Variants in ITGAE observed in about 807,000 individuals in gnomAD.
ITGAE encodes integrin alpha-E.
Under a neutral mutation model 136.5 loss-of-function variants are expected in ITGAE, and 99 were observed. That is an observed-to-expected ratio of 0.73 (90% CI 0.62 to 0.86). ITGAE has a LOEUF of 0.86. ITGAE is among the 40% of genes least tolerant of loss of function. The probability of loss-of-function intolerance (pLI) is 0.00; values close to 1 mark genes in which losing one functional copy is unlikely to be tolerated. For missense variants in ITGAE, 1,447 were observed against 1,515.3 expected, an observed-to-expected ratio of 0.95 and a Z score of 0.75; for synonymous variants, 613 against 591.8, an observed-to-expected ratio of 1.04 and a Z score of -0.52.
chr17:3,740,827 T>C (rs2051567465), intron 19 of ITGAE, among the ~76,000 whole-genome samples: 1 of 152,188 alleles, frequency 6.6e-6, no homozygotes, highest in African/African-American at 2.4e-5. Flanking sequence ...GGGTCTGTTT[T>C]TGTATTATGA....
At position 3,728,143 on chromosome 17, in the gene ITGAE, C is replaced by G. The variant is rs767193775; in HGVS notation, c.2938G>C (p.Gly980Arg). 1.9e-6 allele frequency: 3 copies of G among 1,613,450 alleles called. No homozygotes were observed. The Admixed American group carries it at 5.0e-5, about 27-fold the overall frequency. Residue 980 changes from glycine (G) to arginine (R), a missense_variant, in exon 25 of 31, where the codon GGC (glycine) becomes CGC (arginine). Transcript: ENST00000263087. ...SKPSIMYVNT[G>R]QGLSHHKEFL... ...TCTTTGTGGTGAGAAAGCCCCTGGC[C>G]TGTGTTCACGTACATTATGGATGGT...
chr17:3,789,609 T>G (rs1176540531), intron 1 of ITGAE, among the ~76,000 whole-genome samples: 1 of 152,108 alleles, frequency 6.6e-6, no homozygotes, highest in African/African-American at 2.4e-5. Flanking sequence ...CAAGCGATTC[T>G]CCTGCCTCAA....
In ITGAE at chr17:3,714,898, G is replaced by GCT; in HGVS notation, c.3487_3488dup (p.Ser1163ArgfsTer8). The GCT allele has an allele frequency of 7.4e-6, 12 of 1,611,044 alleles. No homozygotes were observed. The highest frequency in any genetic ancestry group is 1.0e-5 in the Non-Finnish European group (12 of 1,178,740). On this transcript the variant is annotated frameshift_variant, in exon 31 of 31. Transcript: ENST00000263087. LOFTEE classifies it high-confidence loss of function. ...CTGATTTCAGCTGGGCCTTCCTGATGCTCTCCAAGTTCAGTTGTTGATATT... is the reference window on the plus strand; with the variant it reads ...CTGATTTCAGCTGGGCCTTCCTGATGCTCTCTCCAAGTTCAGTTGTTGATATT...
chr17:3,755,176 A>G lies in ITGAE; in HGVS notation c.1325T>C (p.Phe442Ser). The change falls in exon 12 of 31, where the codon TTC becomes TCC. Residue 442 changes from phenylalanine (F) to serine (S), a missense_variant. By Grantham distance (155) the Phe-to-Ser change is radical (BLOSUM62 -2). Transcript: ENST00000263087. ...LYDTRSRRGRFLNQTAAAAAD... is the reference protein window; with the variant it reads ...LYDTRSRRGRSLNQTAAAAAD... ...CGCCGCCGCCGCTGTCTGGTTCAGGAAGCGGCCCCGGCGGCTGCGTGTGTC... is the reference window on the plus strand; with the variant it reads ...CGCCGCCGCCGCTGTCTGGTTCAGGGAGCGGCCCCGGCGGCTGCGTGTGTC... The G allele has an allele frequency of 6.4e-7, 1 of 1,565,826 alleles. No individual in the cohort carries two copies. Among genetic ancestry groups the G allele is most frequent in the Non-Finnish European group, 8.6e-7 (1 of 1,158,946 alleles).
At chr17:3,783,994 C>T (rs1373973144) in intron 1 of ITGAE, among the ~76,000 whole-genome samples, 2 of 152,244 alleles carry the variant, frequency 1.3e-5, no homozygotes, top group African/African-American at 2.4e-5. Context: ...GGCGCGGCGG[C>T]TCACGCCTGT....
rs931231687 is a variant in ITGAE, at chr17:3,753,249, C to T, written c.1668+41G>A. On this transcript the variant is annotated intron_variant, in intron 14 of 30. Transcript: ENST00000263087. ...CATCACCTCTGTGTCAGGCTGAGTG[C>T]CACAGCCTCAGCAAGCTCATGAAGA... The T allele has an allele frequency of 2.5e-6, 4 of 1,594,606 alleles. No individual in the cohort carries two copies. The African/African-American group carries it at 5.4e-5, about 21-fold the overall frequency.
chr17:3,723,783 C>A, intron 26 of ITGAE, 39 bp from the exon 27 acceptor site: 1 of 1,601,068 alleles, frequency 6.2e-7, no homozygotes. Flanking sequence ...CTGAACAAAC[C>A]AAGCCGCCAG....
At chr17:3,745,657 A>T in intron 18 of ITGAE, 107 bp downstream of exon 18, 1 of 1,113,522 alleles carries the variant, frequency 9.0e-7, no homozygotes, top group Non-Finnish European at 1.3e-6. Flanking sequence ...TGATTATTTT[A>T]ATCACCTCAT....
chr17:3,787,644 G>A (rs1471942274), intron 1 of ITGAE, among the ~76,000 whole-genome samples: 1 of 151,318 alleles, frequency 6.6e-6, no homozygotes, highest in African/African-American at 2.4e-5. Flanking sequence ...TCTGGATCCT[G>A]TTAAGCATAT....
At chr17:3,719,257 G>GAAAA (rs1332606820) in intron 29 of ITGAE, among the ~76,000 whole-genome samples, 1 of 123,648 alleles carries the variant, frequency 8.1e-6, no homozygotes, top group African/African-American at 4.0e-5. Flanking sequence ...AAAAAAAAAA[G>GAAAA]AAAAGAAAAG....
At chr17:3,728,710 T>A (rs1274158565) in intron 24 of ITGAE, among the ~76,000 whole-genome samples, 1 of 150,392 alleles carries the variant, frequency 6.6e-6, no homozygotes, top group Non-Finnish European at 1.5e-5. Flanking sequence ...TTCAACTGAA[T>A]ACATTAGGAC....
At chr17:3,758,364 G>C (rs1211411915) in intron 8 of ITGAE, among the ~76,000 whole-genome samples, 1 of 151,646 alleles carries the variant, frequency 6.6e-6, no homozygotes, top group Non-Finnish European at 1.5e-5. Flanking sequence ...TCCTGCCTCA[G>C]CTTCCTGAGT....
chr17:3,761,353 A>G, intron 5 of ITGAE, 50 bp downstream of exon 5: 1 of 1,556,758 alleles, frequency 6.4e-7, no homozygotes, highest in East Asian at 2.3e-5. Flanking sequence ...CTTGGAGACC[A>G]AGGAGATCTC....
intron 17 of ITGAE, among the ~76,000 whole-genome samples, chr17:3,746,604 C>T (rs542170917): frequency 7.2e-5 from 11 of 151,946 alleles, no homozygotes; most frequent in East Asian, 1.9e-4. Context: ...TACAGGCGCC[C>T]GCCACCACAC....
intron 2 of ITGAE, among the ~76,000 whole-genome samples, chr17:3,764,696 CATAA>C (rs757192480): frequency 2.6e-5 from 4 of 152,030 alleles, no homozygotes; most frequent in Non-Finnish European, 4.4e-5. Context: ...GACTTCGTCT[CATAA>C]ATAAATAAAT....
At chr17:3,727,114 GC>G (rs947837162) in intron 26 of ITGAE, among the ~76,000 whole-genome samples, 19 of 145,556 alleles carry the variant, frequency 1.3e-4, no homozygotes, top group Middle Eastern at 3.5e-3. Flanking sequence ...TGTAGTCTGA[GC>G]AAAAAAAAAA....
intron 3 of ITGAE, 128 bp from the exon 4 acceptor site, chr17:3,762,110 G>A: frequency 1.4e-6 from 1 of 727,088 alleles, no homozygotes; most frequent in Non-Finnish European, 2.3e-6. Flanking sequence ...ACTCAGAGAA[G>A]CCTCTAGAAA....
At chr17:3,725,703 C>T (rs780295707) in intron 26 of ITGAE, 20 of 1,574,356 alleles carry the variant, frequency 1.3e-5, no homozygotes, top group South Asian at 2.4e-5. Context: ...TGCAAATGAC[C>T]GGCCTGATTT....
At chr17:3,754,645 G>T (rs943880916) in intron 12 of ITGAE, 16 of 194,350 alleles carry the variant, frequency 8.2e-5, no homozygotes, top group Non-Finnish European at 1.5e-4. Context: ...GGAGGCTGTA[G>T]TACTCAGCCT....
Sources: allele counts gnomAD v4.1 joint callset (sites outside exome capture counted in the v4.1 genomes callset), GRCh38; gene constraint gnomAD v4.1.1; transcripts MANE v1.5; gene names NCBI Gene and HGNC (gene_info 2026-07-23, HGNC 2026-07-21).